The following ADGRD2 variants were observed in gnomAD, a reference collection of about 807,000 sequenced individuals.
ADGRD2 encodes adhesion G protein-coupled receptor D2.
In ADGRD2, 71 loss-of-function variants were observed where a neutral mutation model predicts 44.4. The ratio of observed to expected loss-of-function variants is 1.60; its 90% CI spans 1.32 to 1.95. The LOEUF (loss-of-function observed/expected upper bound fraction) is 1.95. ADGRD2 is among the 30% of genes most tolerant of loss of function. The probability of loss-of-function intolerance (pLI) is 0.00; values close to 1 mark genes in which losing one functional copy is unlikely to be tolerated. For synonymous variants in ADGRD2, 481 were observed against 224.8 expected (o/e 2.14, Z -10.19); for missense variants, 1,039 against 512.4 (o/e 2.03, Z -9.92).
intron 17 of ADGRD2, 71 bp from the exon 21 acceptor site, chr9:124,475,375 C>A: frequency 1.5e-6 from 1 of 675,304 alleles, no homozygotes; most frequent in African/African-American, 1.8e-5. Flanking sequence ...GCCGGGACCC[C>A]AGGCAAGGCC....
At chr9:124,458,369 C>T in intron 9 of ADGRD2, 133 bp downstream of exon 12, 1 of 630,998 alleles carries the variant, frequency 1.6e-6, no homozygotes, top group South Asian at 1.8e-5. Flanking sequence ...GCCCAACACA[C>T]ACACACTTCT....
chr9:124,469,081 C>G (rs574941794), intron 14 of ADGRD2, 141 bp from the exon 18 acceptor site: 1 of 606,408 alleles, frequency 1.6e-6, no homozygotes, highest in African/African-American at 1.8e-5. Flanking sequence ...ATCAGAGCCC[C>G]CAGCCCTGCT....
At chr9:124,478,516 C>T (rs562843944) in exon 22 of ADGRD2, 93 of 152,854 alleles carry the variant, frequency 6.1e-4, no homozygotes, top group Non-Finnish European at 1.2e-3. Context: ...TGATCTGCTC[C>T]TTCCCCCATG....
intron 10 of ADGRD2, among the ~76,000 whole-genome samples, chr9:124,463,395 G>A (rs1362338797): frequency 6.6e-6 from 1 of 152,120 alleles, no homozygotes; most frequent in Non-Finnish European, 1.5e-5. Flanking sequence ...CTAGTATTTT[G>A]TTGAGGATTT....
chr9:124,458,304 G>A (rs556936012), intron 9 of ADGRD2, 68 bp downstream of exon 12: 51 of 704,532 alleles, frequency 7.2e-5, no homozygotes, highest in Admixed American at 5.3e-4. Context: ...CAAAGCCCCC[G>A]TTCTGGTGGG....
intron 10 of ADGRD2, among the ~76,000 whole-genome samples, chr9:124,459,775 A>G (rs1434300053): frequency 4.6e-5 from 7 of 152,092 alleles, no homozygotes; most frequent in African/African-American, 1.7e-4. Context: ...TAAAGTATAC[A>G]GGAGCATGTG....
chr9:124,454,972 G>T lies in ADGRD2; in HGVS notation c.1240G>T (p.Val414Phe), dbSNP rs1181483255. ...CCTGGGGCCGGCCGCACTGCTGGCT[G>T]TTGTCCGCTTCCTGAAGAGGGTGGT... is the stretch of plus-strand genomic sequence containing the variant. Residue 414 changes from valine (V) to phenylalanine (F), a missense_variant, in exon 6 of 22, where the codon GTT (valine) becomes TTT (phenylalanine). Transcript: ENST00000334810. The surrounding 1 kb of genome is among the most constrained non-coding windows in gnomAD (Gnocchi z 4.5). 2.8e-6 allele frequency: 2 copies of T among 718,164 alleles called. No individual in the cohort carries two copies. 44.5% of individuals were successfully genotyped at this position (718,164 alleles called of 1,614,324 possible).
At chr9:124,452,922 A>T (rs2131222151) in intron 2 of ADGRD2, 113 bp from the exon 6 acceptor site, 1 of 604,048 alleles carries the variant, frequency 1.7e-6, no homozygotes, top group South Asian at 2.0e-5. Flanking sequence ...CTCCTTCCCG[A>T]GGTGGGGAGG....
chr9:124,474,585 T>C (rs1832010939), intron 17 of ADGRD2, among the ~76,000 whole-genome samples: 1 of 152,110 alleles, frequency 6.6e-6, no homozygotes, highest in Non-Finnish European at 1.5e-5. Context: ...CTTTCAGCCC[T>C]GGGAGGCTGG....
At chr9:124,468,221 G>A (rs1476128905) in intron 13 of ADGRD2, 31 bp downstream of exon 16, 4 of 717,796 alleles carry the variant, frequency 5.6e-6, no homozygotes, top group East Asian at 2.7e-5. Flanking sequence ...CTGGAAGCCC[G>A]GGGAAGCCTG....
At chr9:124,471,746 C>T (rs1327356483) in intron 17 of ADGRD2, among the ~76,000 whole-genome samples, 2 of 152,172 alleles carry the variant, frequency 1.3e-5, no homozygotes, top group African/African-American at 2.4e-5. Context: ...CTTCATGGCT[C>T]GCCCAGTGTG....
At chr9:124,457,664 TCTAA>T (rs1299938927) in intron 8 of ADGRD2, 58 bp downstream of exon 11, 2 of 552,446 alleles carry the variant, frequency 3.6e-6, no homozygotes, top group South Asian at 2.6e-5. Flanking sequence ...AAACCTCAGC[TCTAA>T]CTGTCGCTAG....
rs116699537 is a variant in ADGRD2, at chr9:124,461,902, C to T, written c.1870+3181C>T. On this transcript the variant is annotated intron_variant, in intron 10 of 21. Coordinates refer to ENST00000334810, the Ensembl canonical transcript of ADGRD2. ...CTGAGATTATAGGCACATGCCATCA[C>T]GCCTCATCAATTTTTTGTATTTTTA... is the stretch of plus-strand genomic sequence containing the variant. 6.6e-5 allele frequency among the ~76,000 whole-genome samples: 10 copies of T among 151,870 alleles called. No homozygotes were observed. In the South Asian group the frequency reaches 8.3e-4, roughly 13 times the overall value.
intron 17 of ADGRD2, 23 bp downstream of exon 20, chr9:124,470,637 G>A (rs576538848): frequency 4.3e-6 from 3 of 698,396 alleles, no homozygotes; most frequent in East Asian, 2.7e-5. Flanking sequence ...CCAACCTTCT[G>A]GGACTAGGCC....
chr9:124,455,577 G>A (rs1024373599), intron 6 of ADGRD2, among the ~76,000 whole-genome samples: 1 of 141,910 alleles, frequency 7.0e-6, no homozygotes, highest in Non-Finnish European at 1.5e-5. Flanking sequence ...GTGACAGAGT[G>A]AGACTCTGTC....
At chr9:124,468,431 G>T (rs1449203846) in intron 13 of ADGRD2, 88 bp from the exon 17 acceptor site, 5 of 709,604 alleles carry the variant, frequency 7.0e-6, no homozygotes, top group Non-Finnish European at 7.8e-6. Flanking sequence ...TCTTTGGGTT[G>T]GCAAGGCCGG....
At chr9:124,459,998 G>C (rs931002568) in intron 10 of ADGRD2, among the ~76,000 whole-genome samples, 1 of 151,882 alleles carries the variant, frequency 6.6e-6, no homozygotes, top group African/African-American at 2.4e-5. Context: ...TTCATTTCAC[G>C]CTTAATACAC....
intron 17 of ADGRD2, among the ~76,000 whole-genome samples, chr9:124,471,076 C>T (rs1201217926): frequency 6.6e-6 from 1 of 152,134 alleles, no homozygotes; most frequent in Non-Finnish European, 1.5e-5. Context: ...CAGGAAAGGG[C>T]CCGGGCTTCC....
chr9:124,466,843 A>T (rs544417836), intron 11 of ADGRD2: 2 of 152,638 alleles, frequency 1.3e-5, no homozygotes, highest in African/African-American at 4.8e-5. Flanking sequence ...TTGTAAAAAA[A>T]ATTGTTGGGG....
Sources: allele counts gnomAD v4.1 joint callset (sites outside exome capture counted in the v4.1 genomes callset), GRCh38; gene constraint gnomAD v4.1.1; non-coding constraint Gnocchi (gnomAD v3.1); transcripts MANE v1.5; gene names NCBI Gene and HGNC (gene_info 2026-07-23, HGNC 2026-07-21).